PDE4C: variants seen among roughly 807,000 people sequenced by gnomAD.
PDE4C encodes the protein 3',5'-cyclic-AMP phosphodiesterase 4C.
In PDE4C, 50 loss-of-function variants were observed where a neutral mutation model predicts 63.9. The ratio of observed to expected loss-of-function variants is 0.78; its 90% confidence interval spans 0.62 to 0.99. The LOEUF (loss-of-function observed/expected upper bound fraction) is 0.99, where lower values mean the gene tolerates loss of function less well. Among genes scored for constraint, PDE4C ranks in the 50% least tolerant of loss-of-function variants. The pLI, the probability that PDE4C is intolerant of heterozygous loss-of-function variation, is 0.00. For missense variants in PDE4C, 777 were observed against 899.1 expected (o/e 0.86, Z 1.74); for synonymous variants, 377 against 385.1 (o/e 0.98, Z 0.25).
intron 10 of PDE4C, 41 bp downstream of exon 10, chr19:18,218,293 G>A: frequency 1.9e-6 from 3 of 1,613,164 alleles, no homozygotes; most frequent in African/African-American, 1.3e-5. Context: ...GGTTCTCTGG[G>A]CCCTGCACCC....
chr19:18,223,828 G>A (rs1968600468), intron 1 of PDE4C, among the ~76,000 whole-genome samples: 1 of 152,174 alleles, frequency 6.6e-6, no homozygotes, highest in Non-Finnish European at 1.5e-5. Flanking sequence ...GGAGGAGGCC[G>A]GGGTTCTGCC....
Position 18,220,201 on chromosome 19 carries a change from C to T in PDE4C, c.706+25G>A, listed in dbSNP as rs763609867. The T allele has an allele frequency of 4.4e-5, 69 of 1,569,482 alleles. No homozygotes were observed. The highest frequency in any genetic ancestry group is 6.0e-5 in the Non-Finnish European group (68 of 1,139,932). On this transcript the variant is annotated intron_variant, in intron 7 of 14. Coordinates refer to ENST00000262805, the Ensembl canonical transcript of PDE4C. This position sits in a 1 kb window ranked among gnomAD's most constrained non-coding sequence, Gnocchi z 5.1. The stretch of plus-strand genomic sequence containing the variant: ...TTCTTAGTACTCCTAAAATGTCGTC[C>T]AGGCAGTGACTCAACAAAGCTCACC...
chr19:18,221,574 G>T (rs1399749034), intron 2 of PDE4C, among the ~76,000 whole-genome samples: 1 of 152,072 alleles, frequency 6.6e-6, no homozygotes, highest in East Asian at 1.9e-4. Flanking sequence ...TCAAATCAAA[G>T]TATTTCTTCA....
At chr19:18,246,720 G>A (rs1364333697) in intron 1 of PDE4C, among the ~76,000 whole-genome samples, 1 of 151,978 alleles carries the variant, frequency 6.6e-6, no homozygotes, top group Non-Finnish European at 1.5e-5. Flanking sequence ...TTAAGATCAG[G>A]GGTTCAAGAC....
At chr19:18,237,734 G>T (rs1473363516), upstream of PDE4C, among the ~76,000 whole-genome samples, 4 of 151,766 alleles carry the variant, frequency 2.6e-5, no homozygotes, top group African/African-American at 9.7e-5. Context: ...TTAGCCGGGC[G>T]TGGTGGCGGG....
chr19:18,232,862 C>A, intron 1 of PDE4C: 1 of 1,357,040 alleles, frequency 7.4e-7, no homozygotes, highest in Non-Finnish European at 9.6e-7. Flanking sequence ...CCCCCGCCCC[C>A]TGGAGAAGCA....
rs955264413 is a variant in PDE4C, at chr19:18,224,105, C to G, written c.147-1782G>C. ...CCGTGCTTTCTGCCCGGCCCACCCT[C>G]CTCCCTCTCCACACTACCTGTCCCG... On this transcript the variant is annotated intron_variant, in intron 1 of 14. Transcript: ENST00000262805. 3 of 691,114 alleles carry G rather than the reference C, an allele frequency of 4.3e-6. No individual in the cohort carries two copies. In the African/African-American group the frequency reaches 5.8e-5, roughly 13 times the overall value. The allele number at this position is 691,114 out of a possible 1,614,324, so 42.8% of individuals were successfully genotyped here. A position where few individuals can be genotyped will look rare whatever the true frequency, so the allele number is the denominator to read the frequency against.
upstream of PDE4C, among the ~76,000 whole-genome samples, chr19:18,228,084 C>T (rs1295265561): frequency 6.6e-6 from 1 of 152,034 alleles, no homozygotes; most frequent in South Asian, 2.1e-4. Context: ...TCTGCTGGGG[C>T]CAGACCTAAT....
Position 18,220,152 on chromosome 19 carries a change from C to G in PDE4C, c.706+74G>C. ...GGCTGTATCTCCCCCAGACTGAGGT[C>G]TATCATAGGAATCTTTCTTTTGTTT... is the stretch of plus-strand genomic sequence containing the variant. On this transcript the variant is annotated intron_variant, in intron 7 of 14. Transcript: ENST00000262805. The surrounding 1 kb of genome is among the most constrained non-coding windows in gnomAD (Gnocchi z 5.1). 8.3e-7 allele frequency: 1 copy of G among 1,203,698 alleles called. No individual in the cohort carries two copies. The highest frequency in any genetic ancestry group is 2.3e-5 in the East Asian group (1 of 42,638). 74.6% of individuals were successfully genotyped at this position (1,203,698 alleles called of 1,614,324 possible). A position where few individuals can be genotyped will look rare whatever the true frequency, so the allele number is the denominator to read the frequency against.
exon 8 of PDE4C, chr19:18,219,286 G>A (rs1253348432): frequency 1.2e-6 from 2 of 1,614,086 alleles, no homozygotes; most frequent in Non-Finnish European, 8.5e-7. Context: ...TGGGACAGTG[G>A]CTGAGGAGAG....
chr19:18,236,718 G>C (rs777500310), upstream of PDE4C: 4 of 152,252 alleles, frequency 2.6e-5, no homozygotes, highest in Non-Finnish European at 5.9e-5. Context: ...TGTGCCCACT[G>C]TGTGCCAAGT....
At chr19:18,218,309 C>A in intron 10 of PDE4C, 25 bp downstream of exon 10, 1 of 1,613,442 alleles carries the variant, frequency 6.2e-7, no homozygotes, top group Non-Finnish European at 8.5e-7. Flanking sequence ...CACCCGCCCA[C>A]CTGCCTGCAG....
At chr19:18,243,784 G>C (rs1969083621) in intron 1 of PDE4C, among the ~76,000 whole-genome samples, 1 of 152,152 alleles carries the variant, frequency 6.6e-6, no homozygotes, top group African/African-American at 2.4e-5. Context: ...GGCTCCCAGG[G>C]ACTAGGGATG....
At chr19:18,255,184 G>A in the PDE4C span, 35 of 391,718 alleles carry the variant, frequency 8.9e-5, no homozygotes, top group East Asian at 1.4e-4. The surrounding 1 kb of genome is among the most constrained non-coding windows in gnomAD (Gnocchi z 4.6). Flanking sequence ...CCACCCTTCC[G>A]CTTTCTGGAA....
upstream of PDE4C, among the ~76,000 whole-genome samples, chr19:18,251,676 A>ACCCCCCCCCCCCCCCCCCCCCCCCCCC (rs1969230557): frequency 8.5e-5 from 2 of 23,568 alleles, no homozygotes; most frequent in African/African-American, 2.3e-4. Context: ...CTCGTGATAC[A>ACCCCCCCCCCCCCCCCCCCCCCCCCCC]CGCCCCCCCC....
downstream of PDE4C, chr19:18,208,942 G>A (rs994216601): frequency 4.6e-5 from 7 of 152,190 alleles, no homozygotes; most frequent in Non-Finnish European, 1.0e-4. Flanking sequence ...TCCTAGGGAA[G>A]GAGGAACACG....
chr19:18,224,414 C>G (rs1044022003), intron 1 of PDE4C: 1 of 985,460 alleles, frequency 1.0e-6, no homozygotes, highest in African/African-American at 1.7e-5. Flanking sequence ...CGCGTAGGCT[C>G]AGATCTGGGT....
At chr19:18,244,423 G>T (rs558921611) in intron 1 of PDE4C, among the ~76,000 whole-genome samples, 4 of 151,576 alleles carry the variant, frequency 2.6e-5, no homozygotes, top group African/African-American at 7.3e-5. Flanking sequence ...GCCTCCCAAA[G>T]TTCTGAGATT....
rs566567072 is a variant in PDE4C at position 18,223,603 on chromosome 19, C to G, written c.147-1280G>C. Among the ~76,000 whole-genome samples, 101 of 152,332 alleles carry G rather than the reference C, an allele frequency of 6.6e-4. 2 individuals are homozygous for G. Among genetic ancestry groups the G allele is most frequent in the Non-Finnish European group, 4.4e-5 (3 of 68,028 alleles). Reference sequence around the variant, plus strand: ...TCGTGATCTGCCCGCCTCGGCCTACCAAAGTACTGGGATTACAGGCATGAG... The same window carrying G: ...TCGTGATCTGCCCGCCTCGGCCTACGAAAGTACTGGGATTACAGGCATGAG... On this transcript the variant is annotated intron_variant, in intron 1 of 14. Transcript: ENST00000262805.
Sources: gnomAD v4.1 joint callset for allele counts (sites outside exome capture counted in the v4.1 genomes callset) on GRCh38, gnomAD v4.1.1 for gene constraint, Gnocchi (gnomAD v3.1) non-coding constraint, MANE v1.5 for transcripts, NCBI Gene and HGNC (gene_info 2026-07-23, HGNC 2026-07-21) for gene names.